IL34: variants seen among roughly 807,000 people sequenced by gnomAD.
The protein encoded by IL34 is interleukin-34.
A neutral mutation model predicts 25.3 loss-of-function variants in IL34; 17 were observed. The observed-to-expected ratio is 0.67, with a 90% CI of 0.46 to 1.01. The LOEUF is 1.01. Among genes scored for constraint, IL34 ranks in the 50% least tolerant of loss-of-function variants. IL34 has a pLI of 0.00. For missense variants in IL34, 368 were observed against 312.9 expected (o/e 1.18, Z -1.33); for synonymous variants, 174 against 140.9 (o/e 1.23, Z -1.66).
intron 1 of IL34, among the ~76,000 whole-genome samples, chr16:70,607,651 G>T (rs1464879602): frequency 6.6e-6 from 1 of 152,100 alleles, no homozygotes; most frequent in African/African-American, 2.4e-5. Flanking sequence ...GGTTAAGGAA[G>T]TTCCCTTCTC....
intron 1 of IL34, among the ~76,000 whole-genome samples, chr16:70,584,524 CT>C (rs2050669119): frequency 6.6e-6 from 1 of 152,208 alleles, no homozygotes. Flanking sequence ...TGCTGCAGAG[CT>C]TTCTGGGGTG....
chr16:70,591,993 G>A (rs2050760982), intron 1 of IL34, among the ~76,000 whole-genome samples: 1 of 151,946 alleles, frequency 6.6e-6, no homozygotes, highest in African/African-American at 2.4e-5. Flanking sequence ...GTAGTACTAG[G>A]TAGTGATGAA....
At chr16:70,622,682 T>C (rs934164823) in intron 1 of IL34, among the ~76,000 whole-genome samples, 1 of 151,966 alleles carries the variant, frequency 6.6e-6, no homozygotes, top group Non-Finnish European at 1.5e-5. Flanking sequence ...GGGGGCCAGA[T>C]TGAAGTCCGG....
At position 70,660,212 on chromosome 16, in the gene IL34, A is replaced by G; in HGVS notation, c.*25A>G. 2 of 1,531,624 alleles carry G rather than the reference A, an allele frequency of 1.3e-6. No homozygotes were observed. The highest frequency in any genetic ancestry group is 1.8e-6 in the Non-Finnish European group (2 of 1,141,694). 94.9% of individuals were successfully genotyped at this position (1,531,624 alleles called of 1,614,324 possible). A position where few individuals can be genotyped will look rare whatever the true frequency, so the allele number is the denominator to read the frequency against. On this transcript the variant is annotated 3_prime_UTR_variant, in exon 6 of 6. Coordinates refer to ENST00000288098, the MANE Select transcript of IL34 (RefSeq NM_001393494.1). ...AGCACCCTGGATGGTGACTGCGGAT[A>G]GGGGCAGCCAGACCAGCTCCCACAG... is the stretch of plus-strand genomic sequence containing the variant.
At chr16:70,632,161 A>G (rs1250998232) in intron 1 of IL34, among the ~76,000 whole-genome samples, 2 of 151,828 alleles carry the variant, frequency 1.3e-5, no homozygotes, top group Non-Finnish European at 2.9e-5. Context: ...TTGGGAGGCA[A>G]TTAGTTAATG....
chr16:70,624,296 G>C (rs1490889489), intron 1 of IL34, among the ~76,000 whole-genome samples: 1 of 151,932 alleles, frequency 6.6e-6, no homozygotes, highest in Non-Finnish European at 1.5e-5. Flanking sequence ...CTGTGGTTCA[G>C]GCATTTGGAA....
intron 1 of IL34, among the ~76,000 whole-genome samples, chr16:70,621,476 T>C (rs2051280731): frequency 8.9e-6 from 1 of 112,192 alleles, no homozygotes; most frequent in Non-Finnish European, 1.9e-5. Context: ...TGATTTAAAA[T>C]TGGTGATATT....
chr16:70,603,782 A>T (rs973210290), intron 1 of IL34, among the ~76,000 whole-genome samples: 1 of 151,602 alleles, frequency 6.6e-6, no homozygotes, highest in African/African-American at 2.4e-5. Flanking sequence ...GGTTCTCATC[A>T]TGTTGCCCAG....
intron 1 of IL34, among the ~76,000 whole-genome samples, chr16:70,584,723 T>C (rs7199331): frequency 0.088 from 13,386 of 151,674 alleles, 1,383 homozygotes; most frequent in African/African-American, 0.23. Flanking sequence ...TTTTTTGAGA[T>C]GGAGCCTTGG....
At position 70,583,669 on chromosome 16, in the gene IL34, C is replaced by A. The variant is rs2050660079; in HGVS notation, c.-401+3620C>A. 2.0e-5 allele frequency among the ~76,000 whole-genome samples: 3 copies of A among 151,772 alleles called. No homozygotes were observed. In the South Asian group the frequency reaches 6.2e-4, roughly 32 times the overall value. On this transcript the variant is annotated intron_variant, in intron 1 of 6. Transcript: ENST00000429149. ...CACCAGAGCATGTAGATCTTTCCTCCTGCCTCAGAGGAGGACTCTGTCACC... is the reference window on the plus strand; with the variant it reads ...CACCAGAGCATGTAGATCTTTCCTCATGCCTCAGAGGAGGACTCTGTCACC...
At chr16:70,655,391 CCTTTT>C (rs939497560) in intron 2 of IL34, among the ~76,000 whole-genome samples, 3 of 148,616 alleles carry the variant, frequency 2.0e-5, no homozygotes, top group Non-Finnish European at 3.0e-5. Flanking sequence ...TCCTAAAAAT[CCTTTT>C]CTTTTCTTTT....
At chr16:70,628,834 C>G (rs2051455571) in intron 1 of IL34, among the ~76,000 whole-genome samples, 1 of 144,606 alleles carries the variant, frequency 6.9e-6, no homozygotes, top group African/African-American at 2.6e-5. Context: ...TATGCCCAGG[C>G]TGAAGTGCAG....
At chr16:70,633,873 C>G (rs761398871) in intron 1 of IL34, among the ~76,000 whole-genome samples, 2 of 151,292 alleles carry the variant, frequency 1.3e-5, no homozygotes, top group Non-Finnish European at 2.9e-5. Context: ...TTTTTTGAGA[C>G]AGAGTCTCGC....
intron 2 of IL34, 88 bp from the exon 3 acceptor site, chr16:70,656,514 C>A: frequency 1.2e-6 from 1 of 825,166 alleles, no homozygotes; most frequent in South Asian, 1.3e-5. Flanking sequence ...GTGAGACTAA[C>A]TGTTAAAAAA....
chr16:70,636,807 CAG>C (rs1220315278), intron 1 of IL34, among the ~76,000 whole-genome samples: 1 of 151,672 alleles, frequency 6.6e-6, no homozygotes, highest in East Asian at 1.9e-4. Flanking sequence ...CAAAACAAAA[CAG>C]AATGAAGAAG....
At chr16:70,582,231 C>G (rs755049718) in intron 1 of IL34, among the ~76,000 whole-genome samples, 3 of 152,268 alleles carry the variant, frequency 2.0e-5, no homozygotes, top group Non-Finnish European at 2.9e-5. Context: ...AGGCTCAGGC[C>G]TCCCTCTGGG....
intron 1 of IL34, among the ~76,000 whole-genome samples, chr16:70,639,751 T>A (rs965717941): frequency 7.2e-5 from 11 of 152,084 alleles, no homozygotes; most frequent in Admixed American, 1.3e-4. Context: ...CCCAGGAGTT[T>A]GAGAGCAGCT....
At chr16:70,626,309 TCA>T (rs1172964220) in intron 1 of IL34, among the ~76,000 whole-genome samples, 1 of 152,222 alleles carries the variant, frequency 6.6e-6, no homozygotes, top group African/African-American at 2.4e-5. Context: ...GTCAAATTTA[TCA>T]GTCTTTTATG....
At chr16:70,633,232 T>C (rs932094374) in intron 1 of IL34, among the ~76,000 whole-genome samples, 3 of 151,962 alleles carry the variant, frequency 2.0e-5, no homozygotes, top group African/African-American at 7.3e-5. Context: ...CCCAAAGTGC[T>C]GGGATTACAA....
Sources: allele counts gnomAD v4.1 joint callset (sites outside exome capture counted in the v4.1 genomes callset), GRCh38; gene constraint gnomAD v4.1.1; transcripts MANE v1.5; gene names NCBI Gene and HGNC (gene_info 2026-07-23, HGNC 2026-07-21).